Variants in OR2L13 observed in about 807,000 individuals in gnomAD.
OR2L13 encodes the protein olfactory receptor 2L13.
In OR2L13, 14 loss-of-function variants were observed where a neutral mutation model predicts 15.3. The observed-to-expected ratio is 0.91, with a 90% CI of 0.60 to 1.43. OR2L13 has a LOEUF of 1.43. Among genes scored for constraint, OR2L13 ranks in the 40% most tolerant of loss-of-function variants. OR2L13 has a pLI of 0.00. For synonymous variants in OR2L13, 152 were observed against 142.9 expected, an observed-to-expected ratio of 1.06 and a Z score of -0.45; for missense variants, 367 against 387.9, an observed-to-expected ratio of 0.95 and a Z score of 0.45.
At chr1:247,967,264 T>C in the OR2L13 span, among the ~76,000 whole-genome samples, 10 of 152,294 alleles carry the variant, frequency 6.6e-5, no homozygotes, top group East Asian at 1.2e-3. Context: ...AGTCTTGTTC[T>C]CTCGCCCAGG....
At chr1:247,990,902 G>C in the OR2L13 span, 2 of 1,481,142 alleles carry the variant, frequency 1.4e-6, 1 homozygote, top group South Asian at 2.3e-5. Context: ...CCCTTCATTT[G>C]TATTGCATGT....
At chr1:247,996,249 C>A in the OR2L13 span, among the ~76,000 whole-genome samples, 1 of 152,196 alleles carries the variant, frequency 6.6e-6, no homozygotes, top group Non-Finnish European at 1.5e-5. Flanking sequence ...GAATGACAGG[C>A]CTGTGCCACT....
the OR2L13 span, among the ~76,000 whole-genome samples, chr1:247,960,189 G>T: frequency 6.6e-6 from 1 of 152,174 alleles, no homozygotes; most frequent in African/African-American, 2.4e-5. Context: ...TTCTGTTGGA[G>T]TTTGCTGGAG....
the OR2L13 span, chr1:248,003,710 T>A: frequency 1.2e-6 from 2 of 1,613,472 alleles, no homozygotes; most frequent in Non-Finnish European, 1.7e-6. Context: ...CACCTGGGTC[T>A]ATGAGGGCAC....
chr1:247,946,505 G>A, the OR2L13 span, among the ~76,000 whole-genome samples: 1 of 152,088 alleles, frequency 6.6e-6, no homozygotes, highest in African/African-American at 2.4e-5. Context: ...TTTTATTCAA[G>A]TAATGCATAG....
the OR2L13 span, among the ~76,000 whole-genome samples, chr1:247,968,597 TG>T: frequency 1.3e-5 from 2 of 151,992 alleles, no homozygotes; most frequent in South Asian, 4.2e-4. Flanking sequence ...ATATGGTGTT[TG>T]GTTTTCTGTC....
the OR2L13 span, chr1:248,039,155 G>A: frequency 3.1e-6 from 5 of 1,613,504 alleles, no homozygotes; most frequent in Admixed American, 3.3e-5. Flanking sequence ...ACAAGGAGGT[G>A]ATGGGGGCCC....
At chr1:248,022,402 C>A in the OR2L13 span, 1 of 1,614,162 alleles carries the variant, frequency 6.2e-7, no homozygotes, top group South Asian at 1.1e-5. Context: ...ATGATAGGCT[C>A]CATCAACTCT....
the OR2L13 span, chr1:248,060,949 T>C: frequency 6.2e-7 from 1 of 1,614,040 alleles, no homozygotes; most frequent in Non-Finnish European, 8.5e-7. Context: ...TGGTAACAAG[T>C]CTATCTCCTT....
the OR2L13 span, among the ~76,000 whole-genome samples, chr1:248,059,364 C>CT: frequency 6.6e-6 from 1 of 152,278 alleles, no homozygotes; most frequent in African/African-American, 2.4e-5. Context: ...TCTAGTTTCC[C>CT]TTTTTATTTA....
the OR2L13 span, among the ~76,000 whole-genome samples, chr1:248,075,979 T>G: frequency 6.6e-6 from 1 of 152,212 alleles, no homozygotes; most frequent in Non-Finnish European, 1.5e-5. Flanking sequence ...TTTATGGTTT[T>G]AGGTCTAACA....
At chr1:248,007,991 G>A in the OR2L13 span, among the ~76,000 whole-genome samples, 3 of 152,252 alleles carry the variant, frequency 2.0e-5, no homozygotes, top group Admixed American at 1.3e-4. Context: ...ATTAGTTTGA[G>A]CTGAAAACAT....
chr1:248,042,989 G>C, the OR2L13 span, among the ~76,000 whole-genome samples: 5 of 152,138 alleles, frequency 3.3e-5, no homozygotes, highest in Non-Finnish European at 7.4e-5. Context: ...CACTAGTAAG[G>C]TCTGAAAATC....
the OR2L13 span, among the ~76,000 whole-genome samples, chr1:247,968,736 G>A: frequency 2.0e-5 from 3 of 151,914 alleles, no homozygotes; most frequent in Non-Finnish European, 2.9e-5. Flanking sequence ...TCTTAATCCA[G>A]TCTATCATTG....
At chr1:248,066,521 T>A in the OR2L13 span, among the ~76,000 whole-genome samples, 1 of 152,350 alleles carries the variant, frequency 6.6e-6, no homozygotes, top group African/African-American at 2.4e-5. Context: ...ACTTAGAGCA[T>A]TTTAGGAGAA....
the OR2L13 span, among the ~76,000 whole-genome samples, chr1:247,993,415 T>C: frequency 6.6e-6 from 1 of 151,886 alleles, no homozygotes; most frequent in African/African-American, 2.4e-5. Context: ...TTTGTTGCTA[T>C]TGTTACTCCT....
At chr1:248,086,817 T>G in the OR2L13 span, among the ~76,000 whole-genome samples, 1 of 151,590 alleles carries the variant, frequency 6.6e-6, no homozygotes, top group Admixed American at 6.6e-5. Flanking sequence ...TGTATTTTTA[T>G]GTATAAAATA....
chr1:248,036,557 T>C, the OR2L13 span, among the ~76,000 whole-genome samples: 624 of 152,240 alleles, frequency 4.1e-3, 2 homozygotes, highest in Non-Finnish European at 7.0e-3. Flanking sequence ...TAGATGTGAG[T>C]TTGCACACTG....
At chr1:248,078,729 T>A in the OR2L13 span, among the ~76,000 whole-genome samples, 1 of 152,080 alleles carries the variant, frequency 6.6e-6, no homozygotes, top group African/African-American at 2.4e-5. Context: ...CAAATGTTCT[T>A]CAATACAAAT....
Sources: gnomAD v4.1 joint callset for allele counts (sites outside exome capture counted in the v4.1 genomes callset) on GRCh38, gnomAD v4.1.1 for gene constraint, MANE v1.5 for transcripts, NCBI Gene and HGNC (gene_info 2026-07-23, HGNC 2026-07-21) for gene names.